PCDH9: variants seen among roughly 807,000 people sequenced by gnomAD.
PCDH9 encodes the protein protocadherin 9, also known as protocadherin-9.
In PCDH9, 24 loss-of-function variants were observed where a neutral mutation model predicts 70.6. The ratio of observed to expected loss-of-function variants is 0.34; its 90% confidence interval spans 0.25 to 0.48. The LOEUF (loss-of-function observed/expected upper bound fraction) is 0.48, where lower values mean the gene tolerates loss of function less well. Among genes scored for constraint, PCDH9 ranks in the 20% least tolerant of loss-of-function variants. The pLI is 0.99. For synonymous variants in PCDH9, 562 were observed against 558.5 expected (o/e 1.01, Z -0.09); for missense variants, 1,281 against 1,503.6 (o/e 0.85, Z 2.45).
chr13:67,105,893 G>A (rs2138253274), intron 2 of PCDH9, among the ~76,000 whole-genome samples: 1 of 151,106 alleles, frequency 6.6e-6, no homozygotes, highest in Admixed American at 6.6e-5. Flanking sequence ...TACATTAAAG[G>A]ATAGAGAAAT....
At chr13:66,311,774 C>A (rs1955566185) in intron 4 of PCDH9, among the ~76,000 whole-genome samples, 1 of 152,068 alleles carries the variant, frequency 6.6e-6, no homozygotes, top group Admixed American at 6.6e-5. Context: ...GAATGTCATA[C>A]AATAATAAAT....
chr13:66,313,694 C>T (rs1313980479), intron 4 of PCDH9, among the ~76,000 whole-genome samples: 1 of 152,106 alleles, frequency 6.6e-6, no homozygotes, highest in Non-Finnish European at 1.5e-5. Flanking sequence ...CGTTCATTTT[C>T]ATGCCTGTGG....
At chr13:66,740,209 T>C (rs899139084) in intron 3 of PCDH9, among the ~76,000 whole-genome samples, 1 of 141,482 alleles carries the variant, frequency 7.1e-6, no homozygotes, top group Non-Finnish European at 1.5e-5. Context: ...CTCAACTACA[T>C]GGAAACTGAA....
intron 3 of PCDH9, among the ~76,000 whole-genome samples, chr13:66,662,512 A>G (rs2078025581): frequency 6.6e-6 from 1 of 152,202 alleles, no homozygotes; most frequent in Admixed American, 6.5e-5. Flanking sequence ...TTCAAAATCA[A>G]TAAGGAAAAT....
chr13:66,889,587 G>C (rs2082063567), intron 3 of PCDH9, among the ~76,000 whole-genome samples: 1 of 152,064 alleles, frequency 6.6e-6, no homozygotes, highest in Non-Finnish European at 1.5e-5. Flanking sequence ...ACTGTCCCCT[G>C]GAGATCTTGG....
intron 2 of PCDH9, chr13:67,201,286 T>C (rs995755347): frequency 1.3e-5 from 2 of 152,016 alleles, no homozygotes; most frequent in African/African-American, 4.8e-5. Flanking sequence ...CCAAAAATGT[T>C]TTACAAAATA....
chr13:66,638,190 T>C (rs2077664309), intron 3 of PCDH9, among the ~76,000 whole-genome samples: 1 of 152,290 alleles, frequency 6.6e-6, no homozygotes, highest in African/African-American at 2.4e-5. Context: ...CTAAATAAGA[T>C]CATATTCTAA....
At chr13:66,402,593 G>T in intron 4 of PCDH9, among the ~76,000 whole-genome samples, 1 of 152,036 alleles carries the variant, frequency 6.6e-6, no homozygotes, top group East Asian at 1.9e-4. Context: ...TTGCCTTAAT[G>T]GATGCAGCAG....
chr13:66,752,689 G>C (rs1447634759), intron 3 of PCDH9, among the ~76,000 whole-genome samples: 1 of 152,176 alleles, frequency 6.6e-6, no homozygotes, highest in Non-Finnish European at 1.5e-5. Context: ...TAACCAGAGA[G>C]AGTGAAAATG....
At chr13:66,804,524 G>A (rs1304843965) in intron 3 of PCDH9, among the ~76,000 whole-genome samples, 2 of 152,160 alleles carry the variant, frequency 1.3e-5, no homozygotes, top group Non-Finnish European at 2.9e-5. Context: ...GTAAGAGATT[G>A]CAGAATTGCA....
At chr13:66,992,309 G>T (rs756063259) in intron 2 of PCDH9, among the ~76,000 whole-genome samples, 2 of 152,138 alleles carry the variant, frequency 1.3e-5, no homozygotes, top group Non-Finnish European at 2.9e-5. Context: ...GTGGAGGAAA[G>T]GTACTGCCAC....
chr13:66,903,286 G>T (rs1255061550), intron 3 of PCDH9, among the ~76,000 whole-genome samples: 1 of 151,560 alleles, frequency 6.6e-6, no homozygotes, highest in East Asian at 1.9e-4. Flanking sequence ...ATGTTTGAGA[G>T]TTGGATCATT....
At chr13:66,812,928 G>A (rs2080535323) in intron 3 of PCDH9, among the ~76,000 whole-genome samples, 1 of 152,114 alleles carries the variant, frequency 6.6e-6, no homozygotes, top group Admixed American at 6.6e-5. Flanking sequence ...CTAAATCCAT[G>A]GCTAATCATT....
chr13:66,606,784 A>C (rs2077227638), intron 4 of PCDH9, among the ~76,000 whole-genome samples: 1 of 152,056 alleles, frequency 6.6e-6, no homozygotes, highest in Admixed American at 6.6e-5. Context: ...TCCTAGATTG[A>C]GTAGCAGGAA....
chr13:66,559,817 A>AAAAAAAAT (rs71677008), intron 4 of PCDH9, among the ~76,000 whole-genome samples: 23 of 93,108 alleles, frequency 2.5e-4, no homozygotes, highest in African/African-American at 4.8e-4. Context: ...AAAAAAAAAA[A>AAAAAAAAT]ATATATATAT....
At chr13:67,107,371 C>T (rs917822855) in intron 2 of PCDH9, among the ~76,000 whole-genome samples, 12 of 152,184 alleles carry the variant, frequency 7.9e-5, no homozygotes, top group Non-Finnish European at 1.5e-4. Flanking sequence ...ACCCATAGGC[C>T]AATCAACACG....
intron 3 of PCDH9, among the ~76,000 whole-genome samples, chr13:66,677,567 T>G (rs549758000): frequency 6.6e-6 from 1 of 151,884 alleles, no homozygotes; most frequent in East Asian, 1.9e-4. Context: ...TGATAGTGAG[T>G]TCTTGCAAAA....
chr13:66,462,392 CT>C (rs1958441100), intron 4 of PCDH9, among the ~76,000 whole-genome samples: 1 of 151,632 alleles, frequency 6.6e-6, no homozygotes, highest in East Asian at 2.0e-4. Flanking sequence ...GAAGAGACAT[CT>C]ATTGGGGAAG....
At chr13:66,546,613 G>C (rs1961213313) in intron 4 of PCDH9, among the ~76,000 whole-genome samples, 1 of 152,100 alleles carries the variant, frequency 6.6e-6, no homozygotes. Context: ...TATTACTAGA[G>C]AAAGAAACAA....
Sources: allele counts gnomAD v4.1 joint callset (sites outside exome capture counted in the v4.1 genomes callset), GRCh38; gene constraint gnomAD v4.1.1; transcripts MANE v1.5; gene names NCBI Gene and HGNC (gene_info 2026-07-23, HGNC 2026-07-21).